The following RBFOX1 variants were observed in gnomAD, a reference collection of about 807,000 sequenced individuals.
RBFOX1 encodes RNA binding protein fox-1 homolog 1.
A neutral mutation model predicts 57.7 loss-of-function variants in RBFOX1; 8 were observed. That is an observed-to-expected ratio of 0.14 (90% CI 0.08 to 0.25). The LOEUF is 0.25. Among genes scored for constraint, RBFOX1 ranks in the 10% least tolerant of loss-of-function variants. RBFOX1 has a pLI of 1.00. For missense variants in RBFOX1, 611 were observed against 548.5 expected (o/e 1.11, Z -1.14); for synonymous variants, 326 against 222.4 (o/e 1.47, Z -4.15).
At chr16:5,600,079 G>A (rs1596392397) in exon 3 of RBFOX1, 1 of 150,618 alleles carries the variant, frequency 6.6e-6, no homozygotes, top group East Asian at 2.0e-4. Flanking sequence ...CAAGAGGTCA[G>A]GAGATCGAGG....
At chr16:6,660,573 G>C (rs2098694951) in intron 3 of RBFOX1, among the ~76,000 whole-genome samples, 1 of 152,192 alleles carries the variant, frequency 6.6e-6, no homozygotes, top group African/African-American at 2.4e-5. Flanking sequence ...TTCAATCCCA[G>C]CCCTCCCAAA....
intron 3 of RBFOX1, among the ~76,000 whole-genome samples, chr16:5,703,934 T>C (rs898279757): frequency 6.6e-6 from 1 of 152,220 alleles, no homozygotes. Context: ...CTAATCATTA[T>C]GTGAACTATT....
chr16:5,802,550 G>T (rs181869760), intron 3 of RBFOX1, among the ~76,000 whole-genome samples: 4 of 152,302 alleles, frequency 2.6e-5, no homozygotes, highest in African/African-American at 7.2e-5. Flanking sequence ...AGGTGGAACT[G>T]CTTGTTAACC....
At chr16:6,072,313 A>T (rs1489752779) in intron 1 of RBFOX1, among the ~76,000 whole-genome samples, 1 of 152,174 alleles carries the variant, frequency 6.6e-6, no homozygotes, top group Non-Finnish European at 1.5e-5. Flanking sequence ...GGTGAAATTT[A>T]GGTGGGGACA....
chr16:6,091,400 T>C (rs2096171444), intron 1 of RBFOX1, among the ~76,000 whole-genome samples: 1 of 152,242 alleles, frequency 6.6e-6, no homozygotes, highest in African/African-American at 2.4e-5. Context: ...CTCTTATTTC[T>C]CTTTATAGAG....
intron 4 of RBFOX1, among the ~76,000 whole-genome samples, chr16:7,219,748 C>G (rs117728382): frequency 0.014 from 2,133 of 152,242 alleles, 25 homozygotes; most frequent in South Asian, 0.043. Context: ...TGGAATGACT[C>G]CATTCCTTTT....
intron 3 of RBFOX1, among the ~76,000 whole-genome samples, chr16:6,659,126 G>A (rs1359410160): frequency 6.6e-6 from 1 of 151,888 alleles, no homozygotes; most frequent in Non-Finnish European, 1.5e-5. Context: ...TTTATTTGTG[G>A]TGTAAAATCC....
At chr16:7,047,716 C>CTTTTTTTTTTTTTTTTT (rs55636828) in intron 3 of RBFOX1, among the ~76,000 whole-genome samples, 5 of 47,938 alleles carry the variant, frequency 1.0e-4, no homozygotes, top group African/African-American at 1.2e-4. Flanking sequence ...TCCTGCATTT[C>CTTTTTTTTTTTTTTTTT]TTTTTTTTTT....
At chr16:5,954,043 G>A (rs2059574328) in intron 4 of RBFOX1, among the ~76,000 whole-genome samples, 2 of 152,174 alleles carry the variant, frequency 1.3e-5, no homozygotes, top group Admixed American at 6.5e-5. Flanking sequence ...CATCTAGTGG[G>A]TAGAGGATGG....
At chr16:6,688,921 A>C (rs2059827238) in intron 3 of RBFOX1, among the ~76,000 whole-genome samples, 1 of 152,110 alleles carries the variant, frequency 6.6e-6, no homozygotes, top group Non-Finnish European at 1.5e-5. Context: ...GTTTCCTGAG[A>C]ATGATGGTTT....
intron 3 of RBFOX1, among the ~76,000 whole-genome samples, chr16:6,809,033 A>C (rs972965816): frequency 4.6e-5 from 7 of 152,178 alleles, no homozygotes; most frequent in Non-Finnish European, 8.8e-5. Context: ...TGCACCTGTA[A>C]CAATAGTTGA....
chr16:6,150,113 A>G (rs541317885), intron 1 of RBFOX1, among the ~76,000 whole-genome samples: 1 of 152,300 alleles, frequency 6.6e-6, no homozygotes, highest in South Asian at 2.1e-4. Context: ...GCTTTTGGTC[A>G]TAGGAAATTA....
chr16:7,390,908 A>G (rs1268924336), intron 4 of RBFOX1, among the ~76,000 whole-genome samples: 1 of 152,120 alleles, frequency 6.6e-6, no homozygotes, highest in Non-Finnish European at 1.5e-5. Context: ...CAATTATGGA[A>G]TAAAAAAAGA....
chr16:5,917,961 C>T (rs753910698), intron 4 of RBFOX1, among the ~76,000 whole-genome samples: 1 of 152,110 alleles, frequency 6.6e-6, no homozygotes, highest in Non-Finnish European at 1.5e-5. Context: ...GAGAAAGAAT[C>T]TGTCACAAGT....
chr16:7,308,690 G>C (rs747998283), intron 4 of RBFOX1, among the ~76,000 whole-genome samples: 1 of 152,178 alleles, frequency 6.6e-6, no homozygotes, highest in African/African-American at 2.4e-5. Flanking sequence ...ACTGAAACCT[G>C]CATATCAACC....
intron 2 of RBFOX1, among the ~76,000 whole-genome samples, chr16:6,452,080 ATCCATGGCTCCTTCCT>A (rs2094640516): frequency 7.2e-6 from 1 of 138,342 alleles, no homozygotes; most frequent in Non-Finnish European, 1.5e-5. Context: ...CCATGACTCC[ATCCATGGCTCCTTCCT>A]TCCATGGCTC....
chr16:7,386,249 G>A (rs1266416158), intron 4 of RBFOX1, among the ~76,000 whole-genome samples: 1 of 152,074 alleles, frequency 6.6e-6, no homozygotes, highest in Non-Finnish European at 1.5e-5. Flanking sequence ...GGTCCTTTAT[G>A]ATACTTTCAG....
At chr16:6,471,159 A>C (rs984393033) in intron 2 of RBFOX1, among the ~76,000 whole-genome samples, 6 of 152,144 alleles carry the variant, frequency 3.9e-5, no homozygotes, top group African/African-American at 1.2e-4. Flanking sequence ...CAGTTCACCC[A>C]GTCACATCTC....
rs59403451 is a variant in RBFOX1 at position 7,333,767 on chromosome 16, C to CT, written c.28-184371dup. On this transcript the variant is annotated intron_variant, in intron 4 of 15. Transcript: ENST00000550418. ...AATCTACCAATAAACAATTGGGGAC[C>CT]TTTTTTTTTCCCCCTCATCATAAGG... 3.0e-4 allele frequency among the ~76,000 whole-genome samples: 45 copies of CT among 151,470 alleles called. 1 individual carries two copies. In the East Asian group the frequency reaches 6.8e-3, roughly 23 times the overall value.
Sources: allele counts gnomAD v4.1 joint callset (sites outside exome capture counted in the v4.1 genomes callset), GRCh38; gene constraint gnomAD v4.1.1; transcripts MANE v1.5; gene names NCBI Gene and HGNC (gene_info 2026-07-23, HGNC 2026-07-21).